The following LAPTM4B variants were observed in gnomAD, a reference collection of about 807,000 sequenced individuals.
LAPTM4B encodes the protein lysosomal protein transmembrane 4 beta.
In LAPTM4B, 26 loss-of-function variants were observed where a neutral mutation model predicts 28.5. The observed-to-expected ratio is 0.91, with a 90% CI of 0.67 to 1.27. LAPTM4B has a LOEUF of 1.27. LAPTM4B is among the 50% of genes most tolerant of loss of function. The probability of loss-of-function intolerance (pLI) is 0.00; values close to 1 mark genes in which losing one functional copy is unlikely to be tolerated. For missense variants in LAPTM4B, 288 were observed against 285.8 expected (o/e 1.01, Z -0.06); for synonymous variants, 109 against 106.4 (o/e 1.02, Z -0.15).
intron 6 of LAPTM4B, among the ~76,000 whole-genome samples, chr8:97,830,142 G>A (rs946289121): frequency 2.0e-5 from 3 of 152,162 alleles, no homozygotes; most frequent in African/African-American, 7.2e-5. Context: ...GAGGAAGAGA[G>A]GGAAATGCAT....
chr8:97,831,081 T>C (rs1320030041), intron 6 of LAPTM4B, among the ~76,000 whole-genome samples: 1 of 152,140 alleles, frequency 6.6e-6, no homozygotes, highest in African/African-American at 2.4e-5. Context: ...TTTGGTAAGA[T>C]GTGTTTTTAA....
intron 1 of LAPTM4B, among the ~76,000 whole-genome samples, chr8:97,782,949 T>TG (rs1563599709): frequency 1.2e-4 from 18 of 147,456 alleles, no homozygotes; most frequent in African/African-American, 4.0e-4. Context: ...TTTATTTATT[T>TG]TTTAGTAGAG....
chr8:97,817,227 G>T (rs1433540038), intron 4 of LAPTM4B, among the ~76,000 whole-genome samples: 1 of 151,924 alleles, frequency 6.6e-6, no homozygotes, highest in African/African-American at 2.4e-5. Context: ...GACCTCCCAG[G>T]CTCCCGTGAT....
At chr8:97,788,532 G>C (rs903861607) in intron 1 of LAPTM4B, among the ~76,000 whole-genome samples, 19 of 152,090 alleles carry the variant, frequency 1.2e-4, no homozygotes, top group African/African-American at 4.1e-4. Flanking sequence ...TAACAGGTAT[G>C]AGCCACCACG....
chr8:97,782,279 CTTTT>C (rs34322160), intron 1 of LAPTM4B, among the ~76,000 whole-genome samples: 1 of 50,238 alleles, frequency 2.0e-5, no homozygotes, highest in African/African-American at 7.1e-5. Flanking sequence ...CCATGCCCAG[CTTTT>C]TTTTTTTTTT....
At chr8:97,830,161 A>G (rs758010231) in intron 6 of LAPTM4B, among the ~76,000 whole-genome samples, 3 of 152,190 alleles carry the variant, frequency 2.0e-5, no homozygotes, top group Non-Finnish European at 4.4e-5. Flanking sequence ...ATAGCCAACA[A>G]TTTTTTGCTA....
chr8:97,851,524 T>C lies in LAPTM4B; in HGVS notation c.*50T>C. On this transcript the variant is annotated 3_prime_UTR_variant, in exon 7 of 7. Coordinates refer to ENST00000521545, the MANE Select transcript of LAPTM4B (RefSeq NM_018407.6). ...GCAGCAGCTTGACTTTGCAGACATC[T>C]GAGCAATAGTTCTGTTATTTCACTT... is the stretch of plus-strand genomic sequence containing the variant. The C allele has an allele frequency of 7.6e-7, 1 of 1,321,852 alleles. No homozygotes were observed. Among genetic ancestry groups the C allele is most frequent in the Non-Finnish European group, 1.1e-6 (1 of 915,218 alleles). 81.9% of individuals were successfully genotyped at this position (1,321,852 alleles called of 1,614,324 possible). A position where few individuals can be genotyped will look rare whatever the true frequency, so the allele number is the denominator to read the frequency against.
At chr8:97,813,678 C>T (rs1245454207) in intron 2 of LAPTM4B, among the ~76,000 whole-genome samples, 3 of 151,266 alleles carry the variant, frequency 2.0e-5, no homozygotes, top group Non-Finnish European at 2.9e-5. Context: ...ATGCTCTTAA[C>T]GTGCTCACCG....
chr8:97,839,018 C>A (rs1817303861), intron 6 of LAPTM4B, among the ~76,000 whole-genome samples: 1 of 152,172 alleles, frequency 6.6e-6, no homozygotes, highest in Admixed American at 6.5e-5. Context: ...GATAGACTTA[C>A]CTGTTGGTTC....
intron 6 of LAPTM4B, 54 bp from the exon 7 acceptor site, chr8:97,851,341 CGG>C: frequency 7.2e-7 from 1 of 1,381,212 alleles, no homozygotes; most frequent in Non-Finnish European, 1.0e-6. Context: ...AGCTAAACCT[CGG>C]GGAACGTGTG....
chr8:97,779,500 G>C (rs1182662003), intron 1 of LAPTM4B, among the ~76,000 whole-genome samples: 1 of 151,612 alleles, frequency 6.6e-6, no homozygotes, highest in Non-Finnish European at 1.5e-5. Flanking sequence ...GAAAAAAAAA[G>C]AGAAAGAGGC....
At chr8:97,797,443 C>T (rs1273771644) in intron 1 of LAPTM4B, among the ~76,000 whole-genome samples, 2 of 152,140 alleles carry the variant, frequency 1.3e-5, no homozygotes, top group Non-Finnish European at 2.9e-5. Context: ...GGAATTACAA[C>T]TTTTTAATAC....
chr8:97,780,384 G>A (rs957802524), intron 1 of LAPTM4B, among the ~76,000 whole-genome samples: 20 of 150,994 alleles, frequency 1.3e-4, no homozygotes, highest in African/African-American at 2.4e-4. Flanking sequence ...GAGATCGTGC[G>A]ATTGCACTCC....
intron 1 of LAPTM4B, among the ~76,000 whole-genome samples, chr8:97,782,315 A>G (rs2513944): frequency 0.71 from 78,242 of 109,466 alleles, 27,977 homozygotes; most frequent in African/African-American, 0.88. Flanking sequence ...TTGTGACAAG[A>G]TCTCACTCTA....
chr8:97,815,492 G>T, intron 3 of LAPTM4B, 91 bp downstream of exon 3: 2 of 877,772 alleles, frequency 2.3e-6, no homozygotes, highest in South Asian at 1.5e-5. Flanking sequence ...TGACTTTCCA[G>T]TTTTCTGTTA....
chr8:97,823,136 C>G lies in LAPTM4B; in HGVS notation c.508-1922C>G, dbSNP rs112020106. Among the ~76,000 whole-genome samples, 97 of 152,126 alleles carry G rather than the reference C, an allele frequency of 6.4e-4. 2 individuals are homozygous for G. The highest frequency in any genetic ancestry group is 2.3e-3 in the African/African-American group (94 of 41,534). ...GATTACAGGTGTGAGCCACAATGCC[C>G]GGCCCACTAAATAGTTCTAATTCAA... On this transcript the variant is annotated intron_variant, in intron 5 of 6. Transcript: ENST00000521545.
intron 1 of LAPTM4B, 149 bp downstream of exon 1, chr8:97,776,257 A>G (rs1368719502): frequency 9.4e-7 from 1 of 1,069,118 alleles, no homozygotes; most frequent in African/African-American, 1.7e-5. Flanking sequence ...CCGCGTCCGC[A>G]CTTCCCCCGG....
chr8:97,809,130 A>T (rs1816793500), intron 2 of LAPTM4B, among the ~76,000 whole-genome samples: 1 of 152,194 alleles, frequency 6.6e-6, no homozygotes, highest in East Asian at 1.9e-4. Flanking sequence ...TAGCTAAATT[A>T]AGCCTATCAT....
chr8:97,820,436 C>A (rs752541977), intron 5 of LAPTM4B, among the ~76,000 whole-genome samples: 3 of 151,740 alleles, frequency 2.0e-5, no homozygotes, highest in African/African-American at 7.3e-5. Flanking sequence ...AATCTCAATG[C>A]CTTTCATTGT....
Sources: gnomAD v4.1 joint callset for allele counts (sites outside exome capture counted in the v4.1 genomes callset) on GRCh38, gnomAD v4.1.1 for gene constraint, MANE v1.5 for transcripts, NCBI Gene and HGNC (gene_info 2026-07-23, HGNC 2026-07-21) for gene names.